Variants in PKD1 observed in about 807,000 individuals in gnomAD.
The protein encoded by PKD1 is polycystin 1, transient receptor potential channel interacting.
Under a neutral mutation model 361.7 loss-of-function variants are expected in PKD1, and 81 were observed. That is an observed-to-expected ratio of 0.22 (90% CI 0.19 to 0.27). PKD1 has a LOEUF of 0.27. PKD1 is among the 10% of genes least tolerant of loss of function. The probability of loss-of-function intolerance (pLI) is 1.00; values close to 1 mark genes in which losing one functional copy is unlikely to be tolerated. For synonymous variants in PKD1, 3,615 were observed against 2,818.3 expected (o/e 1.28, Z -8.95); for missense variants, 6,399 against 6,118.3 (o/e 1.05, Z -1.53).
At chr16:2,112,622 C>T in intron 13 of PKD1, 149 bp from the exon 14 acceptor site, 1 of 998,832 alleles carries the variant, frequency 1.0e-6, no homozygotes, top group Non-Finnish European at 1.5e-6. Context: ...GAGGCCTCTC[C>T]CGGCTCCCGT....
In PKD1 at chr16:2,112,441, T is replaced by C. The variant is rs747752775; in HGVS notation, c.3194A>G (p.His1065Arg). 10 of 1,586,038 alleles carry C rather than the reference T, an allele frequency of 6.3e-6. No individual in the cohort carries two copies. Among genetic ancestry groups the C allele is most frequent in the Non-Finnish European group, 8.5e-6 (10 of 1,174,006 alleles). Residue 1065 changes from histidine (H) to arginine (R), a missense_variant, in exon 14 of 46, where the codon CAC becomes CGC. Transcript: ENST00000262304. Reference protein sequence around the residue: ...WTFGDGEQALHQFQPPYNESF... With the variant: ...WTFGDGEQALRQFQPPYNESF... The stretch of plus-strand genomic sequence containing the variant: ...CTCGTTGTACGGAGGCTGGAACTGG[T>C]GGAGGGCCTGCTCCCCATCCCCAAA...
rs770459654 is a variant in PKD1, at chr16:2,111,120, G to A, written c.4047C>T (p.Phe1349=). The change falls in exon 15 of 46, where the codon TTC becomes TTT. Residue 1349 remains phenylalanine (F), a synonymous_variant. Coordinates refer to ENST00000262304, the MANE Select transcript of PKD1 (RefSeq NM_001009944.3). ...CCAGGGGGAACGTGCCGCTCCGCGT[G>A]AAGTTGTGTGTCACCGTCGGGCACC... ...VRGCPTVTHN[F]TRSGTFPLAL... The A allele has an allele frequency of 6.2e-7, 1 of 1,610,920 alleles. No individual in the cohort carries two copies. The highest frequency in any genetic ancestry group is 8.5e-7 in the Non-Finnish European group (1 of 1,179,768).
At chr16:2,129,609 G>A (rs1319967098) in intron 1 of PKD1, among the ~76,000 whole-genome samples, 2 of 145,914 alleles carry the variant, frequency 1.4e-5, no homozygotes, top group Non-Finnish European at 3.0e-5. Flanking sequence ...GGAGTGCAGT[G>A]GTGTGATCAC....
rs759943074 is a variant in PKD1 at position 2,110,233 on chromosome 16, G to A, written c.4934C>T (p.Pro1645Leu). Reference protein sequence around the residue: ...LQVVGGGRYFPTNHTVQLQAV... With the variant: ...LQVVGGGRYFLTNHTVQLQAV... ...CTGCAGCTGTACCGTGTGGTTGGTG[G>A]GGAAGTAGCGGCCACCGCCCACCAC... Residue 1645 changes from proline to leucine, a missense_variant, in exon 15 of 46, where the codon CCC (proline) becomes CTC (leucine). By Grantham distance (98) the Pro-to-Leu change is moderately conservative. Coordinates refer to ENST00000262304, the MANE Select transcript of PKD1 (RefSeq NM_001009944.3). 9 of 1,611,994 alleles carry A rather than the reference G, an allele frequency of 5.6e-6. No individual in the cohort carries two copies. Among genetic ancestry groups the A allele is most frequent in the African/African-American group, 2.7e-5 (2 of 74,916 alleles).
Position 2,100,356 on chromosome 16 carries a change from C to T in PKD1, c.9568+40G>A, listed in dbSNP as rs553965748. The T allele has an allele frequency of 1.1e-5, 18 of 1,610,602 alleles. No homozygotes were observed. Among genetic ancestry groups the T allele is most frequent in the Admixed American group, 1.7e-5 (1 of 60,016 alleles). On this transcript the variant is annotated intron_variant, in intron 27 of 45. Coordinates refer to ENST00000262304, the MANE Select transcript of PKD1 (RefSeq NM_001009944.3). The surrounding 1 kb of genome is among the most constrained non-coding windows in gnomAD (Gnocchi z 4.4). ...GTCAGGCTCGCAGGGCGCCCCAATG[C>T]GGGGGCAGAGGGGCAGAGCTTGGCA...
In PKD1 at chr16:2,092,755, GTC is replaced by G. The variant is rs2091654872; in HGVS notation, c.11157-165_11157-164del. On this transcript the variant is annotated intron_variant, in intron 38 of 45. Transcript: ENST00000262304. Reference sequence around the variant, plus strand: ...TGGGGATGTTCTGGGGCAGACAGTTGTCTGTCATGGGCCCGTCCTGTGCACTG... The same window carrying G: ...TGGGGATGTTCTGGGGCAGACAGTTGTGTCATGGGCCCGTCCTGTGCACTG... 1.7e-5 allele frequency: 14 copies of G among 830,252 alleles called. No homozygotes were observed. In the South Asian group the frequency reaches 2.0e-4, roughly 12 times the overall value. 51.4% of individuals were successfully genotyped at this position (830,252 alleles called of 1,614,324 possible).
intron 1 of PKD1, among the ~76,000 whole-genome samples, chr16:2,130,636 C>T (rs986359468): frequency 5.9e-5 from 9 of 152,184 alleles, no homozygotes; most frequent in Admixed American, 6.5e-5. Context: ...GCCTGGCCAG[C>T]CCCCCAAGGA....
rs1390112705 is a variant in PKD1, at chr16:2,106,726, C to G, written c.7210-49G>C. On this transcript the variant is annotated intron_variant, in intron 17 of 45. Coordinates refer to ENST00000262304, the MANE Select transcript of PKD1 (RefSeq NM_001009944.3). This position sits in a 1 kb window ranked among gnomAD's most constrained non-coding sequence, Gnocchi z 6.5. ...GGGGCGCAACCCTCTGCCCTGTCAG[C>G]CCCACTTCTGCCTGCAGGCCCCGTC... 2.0e-6 allele frequency: 3 copies of G among 1,537,348 alleles called. No individual in the cohort carries two copies. Among genetic ancestry groups the G allele is most frequent in the African/African-American group, 1.4e-5 (1 of 73,016 alleles).
chr16:2,099,011 TAGTAG>T (rs1308163416), intron 30 of PKD1: 1 of 171,170 alleles, frequency 5.8e-6, no homozygotes, highest in African/African-American at 2.5e-5. Context: ...TTTGTATTTG[TAGTAG>T]AGTCGGGGTT....
rs762031708 is a variant in PKD1, at chr16:2,090,753, C to G, written c.12059G>C (p.Cys4020Ser). Residue 4020 changes from cysteine to serine, a missense_variant, in exon 44 of 46, where the codon TGC becomes TCC. Cys to Ser is a moderately radical substitution (Grantham distance 112). Transcript: ENST00000262304. ...CCCCAGGAGCTCTGGCAGAGCTCGG[C>G]ATAATGTCTTGCCAAAGACGGACCA... ...RQWSVFGKTLCRALPELLGVT... is the reference protein window; with the variant it reads ...RQWSVFGKTLSRALPELLGVT... 1.9e-6 allele frequency: 3 copies of G among 1,612,678 alleles called. No homozygotes were observed. The highest frequency in any genetic ancestry group is 2.5e-6 in the Non-Finnish European group (3 of 1,179,962).
At chr16:2,116,463 G>A (rs1483160387) in intron 8 of PKD1, 66 bp downstream of exon 8, 13 of 877,632 alleles carry the variant, frequency 1.5e-5, no homozygotes, top group Non-Finnish European at 2.0e-5. Context: ...CCCACAGTGG[G>A]CAGGGCAGGC....
In PKD1 at chr16:2,099,693, T is replaced by C. The variant is rs1287231217; in HGVS notation, c.10001A>G (p.Tyr3334Cys). 1.3e-5 allele frequency: 20 copies of C among 1,594,118 alleles called. 1 individual carries two copies. Among genetic ancestry groups the C allele is most frequent in the African/African-American group, 2.7e-5 (2 of 74,642 alleles). ...AAAAAGGATGGCCAGGTAGACGGGA[T>C]AGACAACCACGCTGGACACCAGGCC... Reference protein sequence around the residue: ...AVGLVSSVVVYPVYLAILFLF... With the variant: ...AVGLVSSVVVCPVYLAILFLF... Residue 3334 changes from tyrosine (Y) to cysteine (C), a missense_variant, in exon 30 of 46, where the codon TAT becomes TGT. Physicochemically the swap from Tyr to Cys is radical, Grantham distance 194. Coordinates refer to ENST00000262304, the MANE Select transcript of PKD1 (RefSeq NM_001009944.3).
intron 1 of PKD1, chr16:2,119,931 C>T (rs1231272083): frequency 1.6e-5 from 11 of 683,962 alleles, no homozygotes; most frequent in Middle Eastern, 3.8e-4. Flanking sequence ...ACCTCCAAGA[C>T]GGCCAGGCAC....
Position 2,097,776 on chromosome 16 carries a change from G to T in PKD1, c.10172C>A (p.Ala3391Asp), listed in dbSNP as rs139324800. 4 of 1,611,426 alleles carry T rather than the reference G, an allele frequency of 2.5e-6. No homozygotes were observed. The South Asian group carries it at 4.4e-5, about 18-fold the overall frequency. ...LTFSGLHAEQ[A>D]FVGQMKSDLF... ...GTCACTCTTCATCTGTCCAACAAAG[G>T]CCTGCTGAGAGGTGCACAGTGTCTT... The change falls in exon 32 of 46, where the codon GCC becomes GAC. Residue 3391 changes from alanine to aspartate, a missense_variant. Physicochemically the swap from Ala to Asp is moderately radical, Grantham distance 126 (BLOSUM62 -2). Transcript: ENST00000262304.
rs550768338 is a variant in PKD1, at chr16:2,103,307, G to A, written c.8750C>T (p.Ala2917Val). The change falls in exon 23 of 46, where the codon GCG becomes GTG. Residue 2917 changes from alanine to valine, a missense_variant. Ala to Val is a moderately conservative substitution (Grantham distance 64, BLOSUM62 0). Coordinates refer to ENST00000262304, the MANE Select transcript of PKD1 (RefSeq NM_001009944.3). Reference protein sequence around the residue: ...AVVTLDSSNPAAGLHLQLNYT... With the variant: ...AVVTLDSSNPVAGLHLQLNYT... ...GTTGAGCTGCAGATGCAGCCCGGCC[G>A]CAGGGTTGCTGCTGTCCAGGGTGAC... is the stretch of plus-strand genomic sequence containing the variant. The A allele has an allele frequency of 1.2e-4, 194 of 1,608,738 alleles. No homozygotes were observed. The East Asian group carries it at 3.7e-3, about 31-fold the overall frequency.
rs1335747926 is a variant in PKD1 at position 2,117,089 on chromosome 16, C to A, written c.1386-36G>T. ...GTGTGGGATGGCAGGGGGCTCAGGG[C>A]ACTCCTCCATCCTCCCACCCTCACA... is the stretch of plus-strand genomic sequence containing the variant. On this transcript the variant is annotated intron_variant, in intron 6 of 45. Transcript: ENST00000262304. 3 of 1,032,684 alleles carry A rather than the reference C, an allele frequency of 2.9e-6. 1 individual carries two copies. The South Asian group carries it at 4.2e-5, about 14-fold the overall frequency. 64.0% of individuals were successfully genotyped at this position (1,032,684 alleles called of 1,614,324 possible).
At chr16:2,113,561 A>G (rs11861948) in intron 11 of PKD1, among the ~76,000 whole-genome samples, 29,850 of 152,162 alleles carry the variant, frequency 0.2, 5,068 homozygotes, top group African/African-American at 0.46. Flanking sequence ...CCAGCTACAA[A>G]GAGTCCACCT....
chr16:2,133,543 G>A (rs1488862764), intron 1 of PKD1, among the ~76,000 whole-genome samples: 2 of 151,140 alleles, frequency 1.3e-5, no homozygotes, highest in Non-Finnish European at 2.9e-5. Context: ...CCGTCTCCCC[G>A]AGGAGGAGTT....
Position 2,109,015 on chromosome 16 carries a change from C to G in PKD1, c.6152G>C (p.Arg2051Pro). 6.2e-7 allele frequency: 1 copy of G among 1,610,342 alleles called. No homozygotes were observed. Among genetic ancestry groups the G allele is most frequent in the Non-Finnish European group, 8.5e-7 (1 of 1,178,972 alleles). Residue 2051 changes from arginine to proline, a missense_variant, in exon 15 of 46, where the codon CGC becomes CCC. Arg to Pro is a moderately radical substitution (Grantham distance 103). Coordinates refer to ENST00000262304, the MANE Select transcript of PKD1 (RefSeq NM_001009944.3). ...RAFNALGSENRTLVLEVQDAV... is the reference protein window; with the variant it reads ...RAFNALGSENPTLVLEVQDAV... Reference sequence around the variant, plus strand: ...GTCCTGAACCTCCAGCACCAGCGTGCGGTTCTCACTGCCCAGGGCGTTGAA... The same window carrying G: ...GTCCTGAACCTCCAGCACCAGCGTGGGGTTCTCACTGCCCAGGGCGTTGAA...
Sources: gnomAD v4.1 joint callset for allele counts (sites outside exome capture counted in the v4.1 genomes callset) on GRCh38, gnomAD v4.1.1 for gene constraint, Gnocchi (gnomAD v3.1) non-coding constraint, MANE v1.5 for transcripts, NCBI Gene and HGNC (gene_info 2026-07-23, HGNC 2026-07-21) for gene names.